SLC8A3: variants seen among roughly 807,000 people sequenced by gnomAD.
SLC8A3 encodes solute carrier family 8 member A3.
Under a neutral mutation model 65.4 loss-of-function variants are expected in SLC8A3, and 37 were observed. The observed-to-expected ratio is 0.57, with a 90% CI of 0.44 to 0.74. The LOEUF (loss-of-function observed/expected upper bound fraction) is 0.74, where lower values mean the gene tolerates loss of function less well. Among genes scored for constraint, SLC8A3 ranks in the 30% least tolerant of loss-of-function variants. The pLI is 0.00. For synonymous variants in SLC8A3, 461 were observed against 444.5 expected (o/e 1.04, Z -0.47); for missense variants, 1,112 against 1,172.1 (o/e 0.95, Z 0.75).
At chr14:70,188,984 A>G (rs1019885352), upstream of SLC8A3, 1 of 152,178 alleles carries the variant, frequency 6.6e-6, no homozygotes, top group Non-Finnish European at 1.5e-5. Context: ...AGCTTTGCCC[A>G]TTAAGCTGCC....
chr14:70,079,609 T>G (rs912404701), intron 2 of SLC8A3, among the ~76,000 whole-genome samples: 7 of 152,156 alleles, frequency 4.6e-5, no homozygotes, highest in Non-Finnish European at 1.0e-4. Flanking sequence ...CTGGTGTAAG[T>G]TCCATGTCCG....
At chr14:70,112,511 A>C (rs763815705) in intron 2 of SLC8A3, among the ~76,000 whole-genome samples, 1 of 152,318 alleles carries the variant, frequency 6.6e-6, no homozygotes, top group Non-Finnish European at 1.5e-5. Context: ...GCTTCCTGTC[A>C]TCTCAAAGCC....
chr14:70,063,944 A>C, intron 2 of SLC8A3: 1 of 1,396,164 alleles, frequency 7.2e-7, no homozygotes. Context: ...GGATGGAAAA[A>C]TAAGTATCAT....
At chr14:70,144,331 TA>T (rs1164198147) in intron 2 of SLC8A3, among the ~76,000 whole-genome samples, 211 of 66,854 alleles carry the variant, frequency 3.2e-3, no homozygotes, top group African/African-American at 0.01. Flanking sequence ...TTTTTTTTTT[TA>T]AAAAAAAAAA....
chr14:70,069,943 C>T, intron 2 of SLC8A3, among the ~76,000 whole-genome samples: 1 of 152,150 alleles, frequency 6.6e-6, no homozygotes, highest in Non-Finnish European at 1.5e-5. Flanking sequence ...TGTGTGGATG[C>T]TACTGGTCCA....
At chr14:70,129,253 G>A (rs1281880826) in intron 2 of SLC8A3, among the ~76,000 whole-genome samples, 2 of 152,132 alleles carry the variant, frequency 1.3e-5, no homozygotes, top group Non-Finnish European at 2.9e-5. Flanking sequence ...TCCTAGGGAA[G>A]CTCCCACAGA....
At chr14:70,149,027 A>G (rs1401910889) in intron 2 of SLC8A3, among the ~76,000 whole-genome samples, 4 of 152,160 alleles carry the variant, frequency 2.6e-5, no homozygotes, top group African/African-American at 9.7e-5. Flanking sequence ...CTGTGTTGTG[A>G]AAAGGGAAGC....
At chr14:70,161,719 G>C (rs537056893) in intron 2 of SLC8A3, among the ~76,000 whole-genome samples, 1 of 152,336 alleles carries the variant, frequency 6.6e-6, no homozygotes, top group African/African-American at 2.4e-5. Flanking sequence ...TGGCCAGAAA[G>C]AGACTATCTT....
At chr14:70,154,640 CT>C (rs1896468013) in intron 2 of SLC8A3, among the ~76,000 whole-genome samples, 1 of 152,202 alleles carries the variant, frequency 6.6e-6, no homozygotes, top group South Asian at 2.1e-4. Flanking sequence ...GTTCTTTGCA[CT>C]TTTTCTCATC....
At chr14:70,150,889 G>A (rs772527236) in intron 2 of SLC8A3, among the ~76,000 whole-genome samples, 4 of 152,158 alleles carry the variant, frequency 2.6e-5, no homozygotes, top group Admixed American at 6.5e-5. Flanking sequence ...CCATCGAAAA[G>A]GTCAAAAAGC....
intron 2 of SLC8A3, among the ~76,000 whole-genome samples, chr14:70,098,144 A>T (rs1216222395): frequency 6.6e-6 from 1 of 152,166 alleles, no homozygotes; most frequent in African/African-American, 2.4e-5. Flanking sequence ...TTCCCCTGAC[A>T]TGTGACCAGG....
rs548916982 is a variant in SLC8A3 at position 70,086,084 on chromosome 14, G to A, written c.1785-25145C>T. On this transcript the variant is annotated intron_variant, in intron 2 of 6. Transcript: ENST00000356921. ...AATTGTGGCCTCTCTCATCACCTCC[G>A]AGTCTCTCTCTGGCTTCTTTATAGC... Among the ~76,000 whole-genome samples, 4 of 152,222 alleles carry A rather than the reference G, an allele frequency of 2.6e-5. 1 individual carries two copies. The South Asian group carries it at 6.2e-4, about 24-fold the overall frequency.
intron 2 of SLC8A3, among the ~76,000 whole-genome samples, chr14:70,130,125 G>T (rs1894723241): frequency 6.6e-6 from 1 of 152,196 alleles, no homozygotes; most frequent in Non-Finnish European, 1.5e-5. Context: ...AGACAACCCA[G>T]AACAGCACAA....
At chr14:70,173,397 C>T (rs990710166) in intron 1 of SLC8A3, among the ~76,000 whole-genome samples, 6 of 152,224 alleles carry the variant, frequency 3.9e-5, no homozygotes, top group South Asian at 4.1e-4. Flanking sequence ...ATCCCTTTTC[C>T]GGACCATCTT....
At chr14:70,073,724 G>C (rs1195146258) in intron 2 of SLC8A3, among the ~76,000 whole-genome samples, 7 of 152,166 alleles carry the variant, frequency 4.6e-5, no homozygotes, top group Admixed American at 4.6e-4. Context: ...GAACAAATTT[G>C]ATCCAAGTAG....
intron 2 of SLC8A3, among the ~76,000 whole-genome samples, chr14:70,096,178 G>A (rs1446055504): frequency 6.6e-6 from 1 of 152,114 alleles, no homozygotes; most frequent in Admixed American, 6.6e-5. Context: ...CACTGTGCCT[G>A]GCCCCCATAT....
chr14:70,127,080 G>A (rs1266871342), intron 2 of SLC8A3, among the ~76,000 whole-genome samples: 1 of 151,464 alleles, frequency 6.6e-6, no homozygotes, highest in Non-Finnish European at 1.5e-5. Context: ...CCTGCATTCT[G>A]TTCATCATGT....
At chr14:70,065,567 T>C (rs1160669991) in intron 2 of SLC8A3, among the ~76,000 whole-genome samples, 1 of 152,188 alleles carries the variant, frequency 6.6e-6, no homozygotes, top group Non-Finnish European at 1.5e-5. Context: ...TGGGCAATGC[T>C]CTAAAGTTCT....
At position 70,132,353 on chromosome 14, in the gene SLC8A3, A is replaced by G. The variant is rs573639225; in HGVS notation, c.1784+34286T>C. On this transcript the variant is annotated intron_variant, in intron 2 of 6. Transcript: ENST00000356921. ...TAGTATTTGAGTTTAGCATTTGAGT[A>G]TTTAGTGAGAGTCCTAATATGTTAG... Among the ~76,000 whole-genome samples the G allele has an allele frequency of 1.1e-3, 171 of 152,356 alleles. 7 individuals are homozygous for G. The South Asian group carries it at 0.024, about 21-fold the overall frequency.
Sources: allele counts gnomAD v4.1 joint callset (sites outside exome capture counted in the v4.1 genomes callset), GRCh38; gene constraint gnomAD v4.1.1; transcripts MANE v1.5; gene names NCBI Gene and HGNC (gene_info 2026-07-23, HGNC 2026-07-21).